Variants in COL4A1 observed in about 807,000 individuals in gnomAD.
The protein encoded by COL4A1 is collagen alpha-1(IV) chain.
COL4A1 carries 40 observed loss-of-function variants against 216.6 expected under a neutral mutation model. The observed-to-expected ratio is 0.18, with a 90% CI of 0.14 to 0.24. COL4A1 has a LOEUF of 0.24. COL4A1 is among the 10% of genes least tolerant of loss of function. The probability of loss-of-function intolerance (pLI) is 1.00; values close to 1 mark genes in which losing one functional copy is unlikely to be tolerated. For synonymous variants in COL4A1, 839 were observed against 810.7 expected (o/e 1.03, Z -0.59); for missense variants, 1,628 against 2,196.8 (o/e 0.74, Z 5.18).
chr13:110,192,808 C>T, intron 23 of COL4A1, 22 bp downstream of exon 23: 1 of 1,607,040 alleles, frequency 6.2e-7, no homozygotes, highest in Non-Finnish European at 8.5e-7. Flanking sequence ...CTGACCTGGT[C>T]CTTTTCACAT....
At chr13:110,212,344 C>T (rs1235328367) in intron 6 of COL4A1, 73 bp downstream of exon 6, 2 of 1,557,294 alleles carry the variant, frequency 1.3e-6, no homozygotes, top group Non-Finnish European at 1.8e-6. Context: ...AACAGAATCA[C>T]ACTACCTGAC....
chr13:110,195,058 C>G lies in COL4A1; in HGVS notation c.1346G>C (p.Gly449Ala), dbSNP rs776216712. 3.1e-6 allele frequency: 5 copies of G among 1,614,018 alleles called. No homozygotes were observed. Among genetic ancestry groups the G allele is most frequent in the Non-Finnish European group, 4.2e-6 (5 of 1,180,022 alleles). ...AATTTCGCCTATAAATCCTGGCTGC[C>G]CTGGAATTCCAGGAGGACCCTGGTC... is the stretch of plus-strand genomic sequence containing the variant. ...PGDQGPPGIP[G>A]QPGFIGEIGE... Residue 449 changes from glycine to alanine, a missense_variant, in exon 22 of 52, where the codon GGG (glycine) becomes GCG (alanine). Physicochemically the swap from Gly to Ala is moderately conservative, Grantham distance 60. This residue lies in a region of COL4A1 where 701 missense variants were observed against 892.5 expected (regional missense o/e 0.79). Transcript: ENST00000375820.
At chr13:110,289,315 C>T (rs753163175) in intron 1 of COL4A1, among the ~76,000 whole-genome samples, 5 of 152,260 alleles carry the variant, frequency 3.3e-5, no homozygotes, top group East Asian at 3.9e-4. Context: ...TCCACTGCCG[C>T]GACCAAGAGG....
chr13:110,188,930 T>C (rs1242398419), intron 24 of COL4A1, among the ~76,000 whole-genome samples: 1 of 152,170 alleles, frequency 6.6e-6, no homozygotes, highest in Non-Finnish European at 1.5e-5. Context: ...CTTCCAGAAG[T>C]ATGGAGAGAG....
At chr13:110,198,726 C>T in intron 20 of COL4A1, 95 bp from the exon 21 acceptor site, 1 of 1,514,942 alleles carries the variant, frequency 6.6e-7, no homozygotes, top group Non-Finnish European at 9.1e-7. Flanking sequence ...GGTAAAAATC[C>T]AACCAGACCA....
intron 31 of COL4A1, 149 bp downstream of exon 31, chr13:110,178,773 AC>A (rs1231328689): frequency 3.0e-6 from 2 of 666,910 alleles, no homozygotes. Flanking sequence ...AAACAATCAA[AC>A]CTATTTTCAC....
intron 50 of COL4A1, among the ~76,000 whole-genome samples, chr13:110,153,281 C>T (rs552633746): frequency 4.6e-5 from 7 of 152,320 alleles, no homozygotes; most frequent in African/African-American, 9.6e-5. Context: ...AGCTTCAAGG[C>T]GGAGCAGAGG....
intron 1 of COL4A1, among the ~76,000 whole-genome samples, chr13:110,285,494 T>G (rs1479410367): frequency 6.6e-6 from 1 of 152,180 alleles, no homozygotes; most frequent in Non-Finnish European, 1.5e-5. Flanking sequence ...CTACTGTGAT[T>G]GTTAGTTTTA....
intron 24 of COL4A1, among the ~76,000 whole-genome samples, chr13:110,187,765 C>A (rs1476045924): frequency 3.3e-5 from 5 of 152,220 alleles, no homozygotes; most frequent in Admixed American, 6.5e-5. Flanking sequence ...GCTCTGCCTG[C>A]TGCCTCAGCC....
Position 110,210,112 on chromosome 13 carries a change from AT to A in COL4A1, c.552+16del. ...GGTGAGGTGGCACATGTTCATAATG[AT>A]TCAGCAAATGCTTACTGGAGTCCCT... On this transcript the variant is annotated intron_variant, in intron 9 of 51. Transcript: ENST00000375820. 6.2e-7 allele frequency: 1 copy of A among 1,614,040 alleles called. No homozygotes were observed. Among genetic ancestry groups the A allele is most frequent in the Non-Finnish European group, 8.5e-7 (1 of 1,179,964 alleles).
chr13:110,153,077 T>TA (rs1191094346), intron 50 of COL4A1, among the ~76,000 whole-genome samples: 1 of 152,252 alleles, frequency 6.6e-6, no homozygotes, highest in African/African-American at 2.4e-5. Flanking sequence ...GACCTTCCTG[T>TA]ACTCAGAAAT....
chr13:110,164,983 C>A lies in COL4A1; in HGVS notation c.4029G>T (p.Pro1343=). The change falls in exon 46 of 52, where the codon CCG becomes CCT. Residue 1343 remains proline, a synonymous_variant. Transcript: ENST00000375820. ...AAGGACCTGGGGGGCCAGGAGGACC[C>A]GGGAGACCTGTGGGAATAGGGAAGG... is the stretch of plus-strand genomic sequence containing the variant. ...DQGVPGAKGL[P]GPPGPPGPYD... 1 of 1,604,502 alleles carries A rather than the reference C, an allele frequency of 6.2e-7. No individual in the cohort carries two copies. Among genetic ancestry groups the A allele is most frequent in the Non-Finnish European group, 8.5e-7 (1 of 1,176,204 alleles).
intron 2 of COL4A1, among the ~76,000 whole-genome samples, chr13:110,241,191 T>C (rs889015757): frequency 4.6e-5 from 7 of 152,106 alleles, no homozygotes; most frequent in Admixed American, 3.9e-4. Flanking sequence ...TATAAGTTTA[T>C]AGATGCGGAT....
chr13:110,163,566 G>T lies in COL4A1; in HGVS notation c.4151-5C>A, dbSNP rs1386080350. On this transcript the variant is annotated splice_polypyrimidine_tract_variant and splice_region_variant and intron_variant, in intron 46 of 51. Coordinates refer to ENST00000375820, the MANE Select transcript of COL4A1 (RefSeq NM_001845.6). ...TACCCACCAATCCTGTAACACCTGA[G>T]GCAGAGGAAAAATAATTTATGATCC... is the stretch of plus-strand genomic sequence containing the variant. 1.2e-6 allele frequency: 2 copies of T among 1,612,240 alleles called. No individual in the cohort carries two copies. Among genetic ancestry groups the T allele is most frequent in the Non-Finnish European group, 1.7e-6 (2 of 1,178,904 alleles).
chr13:110,277,904 T>A (rs1384445962), intron 1 of COL4A1, among the ~76,000 whole-genome samples: 1 of 152,194 alleles, frequency 6.6e-6, no homozygotes, highest in Non-Finnish European at 1.5e-5. Flanking sequence ...AATTCCCATA[T>A]CATCTTTTAT....
chr13:110,271,334 C>A (rs534723744), intron 1 of COL4A1, among the ~76,000 whole-genome samples: 1 of 152,268 alleles, frequency 6.6e-6, no homozygotes, highest in East Asian at 1.9e-4. Context: ...GCCCTTTCCA[C>A]AAGATACATA....
At chr13:110,187,018 T>C in intron 25 of COL4A1, 120 bp downstream of exon 25, 1 of 1,312,492 alleles carries the variant, frequency 7.6e-7, no homozygotes, top group Non-Finnish European at 1.1e-6. Flanking sequence ...ATGAAACAAG[T>C]TCATTTGTGC....
chr13:110,282,246 C>T (rs1436315000), intron 1 of COL4A1, among the ~76,000 whole-genome samples: 1 of 152,168 alleles, frequency 6.6e-6, no homozygotes, highest in East Asian at 1.9e-4. Context: ...AAGTCCTTGA[C>T]CTTTTGTTTT....
At position 110,164,927 on chromosome 13, in the gene COL4A1, G is replaced by T. The variant is rs1877264799; in HGVS notation, c.4085C>A (p.Pro1362His). The T allele has an allele frequency of 6.2e-7, 1 of 1,605,426 alleles. No homozygotes were observed. The highest frequency in any genetic ancestry group is 1.3e-5 in the African/African-American group (1 of 74,854). ...CAGCCCTGGGGGGCCCTCAGGACCA[G>T]GGAGCCCGGGCTCCCCTTTGATGAT... ...YDIIKGEPGL[P>H]GPEGPPGLKG... The change falls in exon 46 of 52, where the codon CCT becomes CAT. Residue 1362 changes from proline (P) to histidine (H), a missense_variant. This residue lies in a region of COL4A1 where 345 missense variants were observed against 476.9 expected (regional missense o/e 0.72). Coordinates refer to ENST00000375820, the MANE Select transcript of COL4A1 (RefSeq NM_001845.6).
Sources: allele counts gnomAD v4.1 joint callset (sites outside exome capture counted in the v4.1 genomes callset), GRCh38; gene constraint gnomAD v4.1.1; regional missense constraint gnomAD v4.1.1; transcripts MANE v1.5; gene names NCBI Gene and HGNC (gene_info 2026-07-23, HGNC 2026-07-21).